Variants in CDH11 observed in about 807,000 individuals in gnomAD.
The protein encoded by CDH11 is cadherin-11.
CDH11 carries 11 observed loss-of-function variants against 67.8 expected under a neutral mutation model. The ratio of observed to expected loss-of-function variants is 0.16; its 90% confidence interval spans 0.10 to 0.27. The LOEUF (loss-of-function observed/expected upper bound fraction) is 0.27. CDH11 is among the 10% of genes least tolerant of loss of function. The probability of loss-of-function intolerance (pLI) is 1.00; values close to 1 mark genes in which losing one functional copy is unlikely to be tolerated. For synonymous variants in CDH11, 419 were observed against 400.0 expected (o/e 1.05, Z -0.57); for missense variants, 847 against 1,031.2 (o/e 0.82, Z 2.45).
chr16:65,075,431 C>T (rs1229555279), intron 1 of CDH11, among the ~76,000 whole-genome samples: 2 of 152,178 alleles, frequency 1.3e-5, no homozygotes, highest in African/African-American at 4.8e-5. Flanking sequence ...GTGTCCCTGA[C>T]CATGTAAATA....
chr16:65,050,078 G>C lies in CDH11; in HGVS notation c.-173+3726C>G, dbSNP rs532847230. ...ATTCCTGCTGGTTATTACTCAGCAG[G>C]ATGCCAATGTGTGTACACTTCTCTT... On this transcript the variant is annotated intron_variant, in intron 2 of 12. Coordinates refer to ENST00000268603, the MANE Select transcript of CDH11 (RefSeq NM_001797.4). Among the ~76,000 whole-genome samples, 4 of 152,262 alleles carry C rather than the reference G, an allele frequency of 2.6e-5. No individual in the cohort carries two copies. In the South Asian group the frequency reaches 8.3e-4, roughly 32 times the overall value.
At chr16:65,019,809 A>AT (rs2142573391) in intron 2 of CDH11, among the ~76,000 whole-genome samples, 1 of 152,142 alleles carries the variant, frequency 6.6e-6, no homozygotes, top group African/African-American at 2.4e-5. Flanking sequence ...TACAAGGTTA[A>AT]TTTTTTATGA....
intron 1 of CDH11, among the ~76,000 whole-genome samples, chr16:65,078,919 A>G (rs1325059402): frequency 6.6e-6 from 1 of 152,220 alleles, no homozygotes; most frequent in Non-Finnish European, 1.5e-5. Context: ...TTTGTCTCCA[A>G]GTTTAAAAAT....
intron 2 of CDH11, among the ~76,000 whole-genome samples, chr16:65,026,280 G>T (rs2073533186): frequency 6.6e-6 from 1 of 152,100 alleles, no homozygotes; most frequent in African/African-American, 2.4e-5. Context: ...ATCTTGATGA[G>T]GTGGGTATTG....
intron 8 of CDH11, 136 bp from the exon 9 acceptor site, chr16:64,973,176 A>G: frequency 1.1e-6 from 1 of 869,776 alleles, no homozygotes; most frequent in Non-Finnish European, 1.7e-6. Flanking sequence ...AATCAAATTT[A>G]CTTTTGAAAC....
intron 1 of CDH11, among the ~76,000 whole-genome samples, chr16:65,064,075 G>A (rs1300143719): frequency 1.3e-5 from 2 of 152,192 alleles, no homozygotes; most frequent in Non-Finnish European, 2.9e-5. Flanking sequence ...CCAGGGAGGG[G>A]TCACCTTTGG....
intron 1 of CDH11, among the ~76,000 whole-genome samples, chr16:65,063,462 A>G (rs1249043556): frequency 6.6e-6 from 1 of 152,144 alleles, no homozygotes; most frequent in Non-Finnish European, 1.5e-5. Flanking sequence ...TTGTCTGCAA[A>G]TCAGTGGATC....
At chr16:65,081,520 G>C (rs1318465680) in intron 1 of CDH11, among the ~76,000 whole-genome samples, 3 of 149,830 alleles carry the variant, frequency 2.0e-5, no homozygotes, top group Non-Finnish European at 4.4e-5. Context: ...AGTGAGCCGA[G>C]ATCGGGCCAC....
intron 1 of CDH11, among the ~76,000 whole-genome samples, chr16:65,064,181 G>A (rs1003663745): frequency 6.6e-6 from 1 of 152,180 alleles, no homozygotes; most frequent in Non-Finnish European, 1.5e-5. Flanking sequence ...AACCAAAGGG[G>A]CATGTCCCCC....
intron 2 of CDH11, among the ~76,000 whole-genome samples, chr16:65,020,162 A>G (rs894682458): frequency 1.3e-5 from 2 of 152,204 alleles, no homozygotes; most frequent in African/African-American, 2.4e-5. Context: ...CTAACAACCT[A>G]TGTCCATCAG....
At position 64,947,265 on chromosome 16, in the gene CDH11, GAAGA is replaced by G. The variant is rs1273331186; in HGVS notation, c.*334_*337del. 3.6e-6 allele frequency: 4 copies of G among 1,107,936 alleles called. No homozygotes were observed. Among genetic ancestry groups the G allele is most frequent in the South Asian group, 3.6e-5 (1 of 27,600 alleles). The allele number at this position is 1,107,936 out of a possible 1,614,324, so 68.6% of individuals were successfully genotyped here. A position where few individuals can be genotyped will look rare whatever the true frequency, so the allele number is the denominator to read the frequency against. On this transcript the variant is annotated 3_prime_UTR_variant, in exon 13 of 13. Coordinates refer to ENST00000268603, the MANE Select transcript of CDH11 (RefSeq NM_001797.4). ...GAAGCTTCTTTGACAACTTAAAAAA[GAAGA>G]AAGACTTGGATGTTCATAACACATA... is the stretch of plus-strand genomic sequence containing the variant.
chr16:65,040,017 C>T (rs77117097), intron 2 of CDH11, among the ~76,000 whole-genome samples: 39,771 of 152,110 alleles, frequency 0.26, 5,972 homozygotes, highest in Middle Eastern at 0.36. Flanking sequence ...GATACCATCT[C>T]ATACCAGTTA....
intron 2 of CDH11, among the ~76,000 whole-genome samples, chr16:65,014,699 C>A (rs539544629): frequency 6.6e-6 from 1 of 151,400 alleles, no homozygotes; most frequent in African/African-American, 2.4e-5. Context: ...GAAAAAGGGG[C>A]CATTCTTGAA....
chr16:64,946,205 A>G lies in CDH11; in HGVS notation c.*1398T>C. 9.5e-7 allele frequency: 1 copy of G among 1,050,362 alleles called. No individual in the cohort carries two copies. The highest frequency in any genetic ancestry group is 1.1e-6 in the Non-Finnish European group (1 of 869,934). The allele number at this position is 1,050,362 out of a possible 1,614,324, so 65.1% of individuals were successfully genotyped here. A position where few individuals can be genotyped will look rare whatever the true frequency, so the allele number is the denominator to read the frequency against. On this transcript the variant is annotated 3_prime_UTR_variant, in exon 13 of 13. Transcript: ENST00000268603. ...ACATAAAATGCCACATCATTTTACA[A>G]TTAGTTAAAATTACAGGAGGAAAAA...
chr16:65,085,833 A>C (rs1182928192), intron 1 of CDH11, among the ~76,000 whole-genome samples: 2 of 152,238 alleles, frequency 1.3e-5, no homozygotes, highest in Non-Finnish European at 2.9e-5. Flanking sequence ...TGCCTCATGC[A>C]ATGCTCAAAA....
chr16:65,034,789 T>C (rs1430662304), intron 2 of CDH11, among the ~76,000 whole-genome samples: 4 of 152,100 alleles, frequency 2.6e-5, no homozygotes, highest in Non-Finnish European at 5.9e-5. Flanking sequence ...CGTGGCTGTA[T>C]CTGGACTGCC....
intron 1 of CDH11, among the ~76,000 whole-genome samples, chr16:65,087,865 T>C (rs1162843670): frequency 1.3e-5 from 2 of 152,196 alleles, no homozygotes; most frequent in African/African-American, 2.4e-5. Context: ...ACCTTTATTG[T>C]TGTCTTTTTC....
intron 11 of CDH11, among the ~76,000 whole-genome samples, chr16:64,970,359 G>T (rs1017561745): frequency 1.5e-4 from 23 of 152,152 alleles, no homozygotes; most frequent in Non-Finnish European, 1.6e-4. Flanking sequence ...TCATCAGCAC[G>T]AAAGGATTCA....
At chr16:65,095,149 T>A (rs1168817391) in intron 1 of CDH11, among the ~76,000 whole-genome samples, 1 of 152,120 alleles carries the variant, frequency 6.6e-6, no homozygotes, top group African/African-American at 2.4e-5. Context: ...GGTCCAGGTC[T>A]GCCTCACTCC....
Sources: gnomAD v4.1 joint callset for allele counts (sites outside exome capture counted in the v4.1 genomes callset) on GRCh38, gnomAD v4.1.1 for gene constraint, MANE v1.5 for transcripts, NCBI Gene and HGNC (gene_info 2026-07-23, HGNC 2026-07-21) for gene names.